SLC35F1: variants seen among roughly 807,000 people sequenced by gnomAD.
SLC35F1 encodes the protein chromosome 6 open reading frame 169.
In SLC35F1, 14 loss-of-function variants were observed where a neutral mutation model predicts 48.7. The ratio of observed to expected loss-of-function variants is 0.29; its 90% CI spans 0.19 to 0.45. SLC35F1 has a LOEUF of 0.45. Ranked by LOEUF, SLC35F1 falls within the 20% of genes least tolerant of loss-of-function variation. SLC35F1 has a pLI of 1.00. For missense variants in SLC35F1, 404 were observed against 500.0 expected (o/e 0.81, Z 1.83); for synonymous variants, 190 against 202.2 (o/e 0.94, Z 0.51).
intron 2 of SLC35F1, among the ~76,000 whole-genome samples, chr6:118,215,105 C>G (rs1775054635): frequency 6.6e-6 from 1 of 151,878 alleles, no homozygotes; most frequent in East Asian, 1.9e-4. Flanking sequence ...TCACTGATAC[C>G]CTTGGCTCAG....
chr6:118,195,262 TA>T (rs1334701812), intron 2 of SLC35F1, among the ~76,000 whole-genome samples: 29 of 152,128 alleles, frequency 1.9e-4, no homozygotes, highest in African/African-American at 6.8e-4. Flanking sequence ...GTAACTAAGA[TA>T]AAAGGTTAGC....
At chr6:118,077,507 A>G (rs1039581413) in intron 1 of SLC35F1, among the ~76,000 whole-genome samples, 1 of 152,222 alleles carries the variant, frequency 6.6e-6, no homozygotes, top group Non-Finnish European at 1.5e-5. Context: ...CTATCAATCA[A>G]ATATTCATTT....
intron 7 of SLC35F1, among the ~76,000 whole-genome samples, chr6:118,313,634 T>C (rs1398190061): frequency 2.0e-5 from 3 of 152,228 alleles, no homozygotes; most frequent in Non-Finnish European, 4.4e-5. Context: ...ATTACAACCC[T>C]AAAGGGGATA....
At chr6:117,931,741 G>T (rs1005867140) in intron 1 of SLC35F1, among the ~76,000 whole-genome samples, 1 of 152,216 alleles carries the variant, frequency 6.6e-6, no homozygotes, top group East Asian at 1.9e-4. Context: ...AGAAGTGCTT[G>T]CAGAGAGGTC....
At chr6:118,212,337 C>T (rs1775010402) in intron 2 of SLC35F1, among the ~76,000 whole-genome samples, 1 of 152,170 alleles carries the variant, frequency 6.6e-6, no homozygotes. Context: ...TTTACTTTTT[C>T]TAATTACAGC....
intron 7 of SLC35F1, among the ~76,000 whole-genome samples, chr6:118,298,705 G>A (rs1776221831): frequency 6.6e-6 from 1 of 152,172 alleles, no homozygotes; most frequent in Non-Finnish European, 1.5e-5. Flanking sequence ...TGCTGGGTTA[G>A]CAACAATGCT....
In SLC35F1 at chr6:117,962,138, T is replaced by C. The variant is rs1268891036; in HGVS notation, c.173+54239T>C. Among the ~76,000 whole-genome samples, 3 of 152,196 alleles carry C rather than the reference T, an allele frequency of 2.0e-5. No individual in the cohort carries two copies. In the East Asian group the frequency reaches 5.8e-4, roughly 29 times the overall value. On this transcript the variant is annotated intron_variant, in intron 1 of 7. Coordinates refer to ENST00000360388, the MANE Select transcript of SLC35F1 (RefSeq NM_001029858.4). Reference sequence around the variant, plus strand: ...GGGTTTGAGTCCTCAATGTATAACATTGCTTTAGAATTCAGGATCAATCCA... The same window carrying C: ...GGGTTTGAGTCCTCAATGTATAACACTGCTTTAGAATTCAGGATCAATCCA...
intron 1 of SLC35F1, among the ~76,000 whole-genome samples, chr6:118,068,658 C>G (rs928274721): frequency 4.6e-5 from 7 of 152,050 alleles, no homozygotes; most frequent in Admixed American, 2.0e-4. Flanking sequence ...CATTATCCCC[C>G]CTTAAGATGA....
Position 118,315,435 on chromosome 6 carries a change from T to C in SLC35F1, c.*1183T>C, listed in dbSNP as rs1776420642. 1 of 9,140 alleles carries C rather than the reference T, an allele frequency of 1.1e-4. No homozygotes were observed. The highest frequency in any genetic ancestry group is 4.2e-4 in the Non-Finnish European group (1 of 2,406). 0.6% of individuals were successfully genotyped at this position (9,140 alleles called of 1,614,324 possible). A position where few individuals can be genotyped will look rare whatever the true frequency, so the allele number is the denominator to read the frequency against. ...AACAGATATATTGACACGACATTCT[T>C]TTTTTTTTTTTTTTTTTTTTTTGAG... On this transcript the variant is annotated 3_prime_UTR_variant, in exon 8 of 8. Coordinates refer to ENST00000360388, the MANE Select transcript of SLC35F1 (RefSeq NM_001029858.4).
At chr6:118,218,647 CT>C (rs1387099994) in intron 2 of SLC35F1, among the ~76,000 whole-genome samples, 1 of 152,118 alleles carries the variant, frequency 6.6e-6, no homozygotes, top group Non-Finnish European at 1.5e-5. Flanking sequence ...CCTACTGTTT[CT>C]TTATGTCCTG....
At position 117,975,629 on chromosome 6, in the gene SLC35F1, CTTAT is replaced by C. The variant is rs905291979; in HGVS notation, c.173+67745_173+67748del. Among the ~76,000 whole-genome samples, 18 of 152,122 alleles carry C rather than the reference CTTAT, an allele frequency of 1.2e-4. 1 individual carries two copies. The highest frequency in any genetic ancestry group is 3.9e-4 in the African/African-American group (16 of 41,530). On this transcript the variant is annotated intron_variant, in intron 1 of 7. Coordinates refer to ENST00000360388, the MANE Select transcript of SLC35F1 (RefSeq NM_001029858.4). Reference sequence around the variant, plus strand: ...TTAGAGTGATAGGAGATGTGATTCTCTTATTTATTTATTTATTTTTGTAGACGGG... The same window carrying C: ...TTAGAGTGATAGGAGATGTGATTCTCTTATTTATTTATTTTTGTAGACGGG...
intron 2 of SLC35F1, among the ~76,000 whole-genome samples, chr6:118,175,915 T>G (rs553218616): frequency 6.6e-6 from 1 of 152,140 alleles, no homozygotes; most frequent in South Asian, 2.1e-4. Context: ...TTTTCTTATT[T>G]ATAGTGAGAC....
chr6:117,990,361 G>A (rs1776902109), intron 1 of SLC35F1, among the ~76,000 whole-genome samples: 1 of 152,170 alleles, frequency 6.6e-6, no homozygotes, highest in Non-Finnish European at 1.5e-5. Context: ...CACTTAGGCT[G>A]TGTTTGCACC....
chr6:118,149,929 A>G (rs1437368886), intron 1 of SLC35F1, among the ~76,000 whole-genome samples: 4 of 152,150 alleles, frequency 2.6e-5, no homozygotes, highest in African/African-American at 4.8e-5. Flanking sequence ...GAAACCAACC[A>G]CTTAGGTTTC....
chr6:117,921,302 A>C lies in SLC35F1; in HGVS notation c.173+13403A>C, dbSNP rs1023779766. 3.3e-5 allele frequency among the ~76,000 whole-genome samples: 5 copies of C among 152,354 alleles called. No homozygotes were observed. In the East Asian group the frequency reaches 9.6e-4, roughly 29 times the overall value. On this transcript the variant is annotated intron_variant, in intron 1 of 7. Transcript: ENST00000360388. ...TTTAATGTAGAATTACCCATGAGCT[A>C]GCTATATTTGGAAGTGTGAATGCAC...
At chr6:117,916,770 G>A (rs2114797395) in intron 1 of SLC35F1, among the ~76,000 whole-genome samples, 1 of 152,314 alleles carries the variant, frequency 6.6e-6, no homozygotes, top group Non-Finnish European at 1.5e-5. Context: ...GTGACAGGAA[G>A]GTGGGTCAGG....
intron 1 of SLC35F1, among the ~76,000 whole-genome samples, chr6:118,069,072 T>G (rs1198574553): frequency 6.6e-6 from 1 of 152,116 alleles, no homozygotes; most frequent in Non-Finnish European, 1.5e-5. Flanking sequence ...GTTAAGAGAA[T>G]AAAAAAATGA....
intron 1 of SLC35F1, among the ~76,000 whole-genome samples, chr6:118,144,089 A>G (rs769371743): frequency 2.6e-5 from 4 of 152,208 alleles, no homozygotes; most frequent in Non-Finnish European, 5.9e-5. Context: ...ATTACTGGGT[A>G]TATACCCAAA....
chr6:117,907,924 C>G, intron 1 of SLC35F1, 25 bp downstream of exon 1: 1 of 1,304,344 alleles, frequency 7.7e-7, no homozygotes, highest in Non-Finnish European at 9.7e-7. Context: ...CGGGCGAGGG[C>G]GCGGGGGGCG....
Sources: gnomAD v4.1 joint callset for allele counts (sites outside exome capture counted in the v4.1 genomes callset) on GRCh38, gnomAD v4.1.1 for gene constraint, MANE v1.5 for transcripts, NCBI Gene and HGNC (gene_info 2026-07-23, HGNC 2026-07-21) for gene names.